Variants in DPP10 observed in about 807,000 individuals in gnomAD.
DPP10 encodes inactive dipeptidyl peptidase 10.
DPP10 carries 33 observed loss-of-function variants against 120.9 expected under a neutral mutation model. That is an observed-to-expected ratio of 0.27 (90% confidence interval 0.21 to 0.37). The LOEUF (loss-of-function observed/expected upper bound fraction) is 0.37. Among genes scored for constraint, DPP10 ranks in the 10% least tolerant of loss-of-function variants. DPP10 has a pLI of 1.00. For missense variants in DPP10, 816 were observed against 942.8 expected, an observed-to-expected ratio of 0.87 and a Z score of 1.76; for synonymous variants, 337 against 326.1, an observed-to-expected ratio of 1.03 and a Z score of -0.36.
intron 11 of DPP10, among the ~76,000 whole-genome samples, chr2:115,759,674 T>G (rs1679859623): frequency 6.9e-6 from 1 of 144,512 alleles, no homozygotes; most frequent in Non-Finnish European, 1.5e-5. Context: ...AGAAGACATA[T>G]ATACACACAC....
rs57462947 is a variant in DPP10, at chr2:115,207,416, C to CAA, written c.61-101794_61-101793dup. Among the ~76,000 whole-genome samples, 221 of 52,284 alleles carry CAA rather than the reference C, an allele frequency of 4.2e-3. 26 individuals are homozygous for CAA. The highest frequency in any genetic ancestry group is 6.3e-3 in the African/African-American group (96 of 15,132). The allele number at this position is 52,284 out of a possible 152,430, so 34.3% of individuals were successfully genotyped here. A position where few individuals can be genotyped will look rare whatever the true frequency, so the allele number is the denominator to read the frequency against. On this transcript the variant is annotated intron_variant, in intron 1 of 25. Transcript: ENST00000410059. ...GGTTTTTAAAGAGTGCTTACTGCAC[C>CAA]AAAAAAAAAAAAAAAAAAAAAAAAA...
chr2:114,454,787 A>G (rs1002946844), intron 1 of DPP10, among the ~76,000 whole-genome samples: 15 of 151,818 alleles, frequency 9.9e-5, no homozygotes, highest in African/African-American at 3.4e-4. Flanking sequence ...ATTTATGTCT[A>G]TGTATCTTTG....
chr2:115,774,876 T>C (rs1280196467), intron 13 of DPP10, among the ~76,000 whole-genome samples: 1 of 152,088 alleles, frequency 6.6e-6, no homozygotes, highest in Non-Finnish European at 1.5e-5. Context: ...AATAAAACTA[T>C]CCTATATGAA....
At chr2:115,358,694 G>A (rs1020885056) in intron 3 of DPP10, among the ~76,000 whole-genome samples, 7 of 152,136 alleles carry the variant, frequency 4.6e-5, no homozygotes, top group African/African-American at 1.7e-4. Context: ...ACGCTGCTAT[G>A]AAGAGATACC....
intron 3 of DPP10, among the ~76,000 whole-genome samples, chr2:115,444,073 T>G (rs556474305): frequency 2.4e-4 from 37 of 152,180 alleles, no homozygotes; most frequent in Non-Finnish European, 4.6e-4. Flanking sequence ...CCCTGCCTTT[T>G]ATCTTATCCT....
chr2:115,739,956 G>T (rs1297886650), intron 9 of DPP10, 63 bp downstream of exon 9: 2 of 1,533,962 alleles, frequency 1.3e-6, no homozygotes, highest in African/African-American at 1.4e-5. Flanking sequence ...CTTGACAGAT[G>T]GTATTCTTGG....
chr2:115,242,396 T>A lies in DPP10; in HGVS notation c.61-66843T>A, dbSNP rs147677158. On this transcript the variant is annotated intron_variant, in intron 1 of 25. Coordinates refer to ENST00000410059, the MANE Select transcript of DPP10 (RefSeq NM_020868.6). The stretch of plus-strand genomic sequence containing the variant: ...TCATGTATATATCCCACAGTTTTTT[T>A]ATCCACTCATCGATTGATGGGCATT... 2.0e-4 allele frequency among the ~76,000 whole-genome samples: 30 copies of A among 152,328 alleles called. 1 individual carries two copies. In the East Asian group the frequency reaches 5.0e-3, roughly 25 times the overall value.
chr2:115,244,704 T>C (rs1402140027), intron 1 of DPP10, among the ~76,000 whole-genome samples: 1 of 151,770 alleles, frequency 6.6e-6, no homozygotes, highest in Non-Finnish European at 1.5e-5. Flanking sequence ...AAATTAAAAT[T>C]AAAGCATCAG....
chr2:114,443,396 G>A (rs1310545515), intron 1 of DPP10, among the ~76,000 whole-genome samples: 1 of 152,128 alleles, frequency 6.6e-6, no homozygotes, highest in Non-Finnish European at 1.5e-5. Context: ...CTCAAAACCA[G>A]TGAGATGATT....
At chr2:115,129,362 A>AT (rs1321064946) in intron 1 of DPP10, among the ~76,000 whole-genome samples, 4 of 152,330 alleles carry the variant, frequency 2.6e-5, no homozygotes, top group Admixed American at 2.6e-4. Context: ...CCACGGAAAT[A>AT]TGAGAGCTGT....
intron 1 of DPP10, among the ~76,000 whole-genome samples, chr2:114,925,188 G>T (rs1306257818): frequency 7.5e-6 from 1 of 132,764 alleles, no homozygotes; most frequent in Non-Finnish European, 1.5e-5. Flanking sequence ...TCCAGCCTGG[G>T]CAACAGAGCA....
At chr2:115,705,403 GCA>G (rs568941110) in intron 7 of DPP10, among the ~76,000 whole-genome samples, 1 of 151,714 alleles carries the variant, frequency 6.6e-6, no homozygotes, top group Non-Finnish European at 1.5e-5. Flanking sequence ...GTGTTTGTAT[GCA>G]CACACACACA....
intron 5 of DPP10, among the ~76,000 whole-genome samples, chr2:115,568,632 C>T (rs1448242684): frequency 6.7e-6 from 1 of 150,172 alleles, no homozygotes; most frequent in Non-Finnish European, 1.5e-5. Context: ...TTTTCTATCG[C>T]GTACTTGGTC....
chr2:115,700,024 C>A (rs1484737773), intron 7 of DPP10, among the ~76,000 whole-genome samples: 1 of 152,118 alleles, frequency 6.6e-6, no homozygotes, highest in African/African-American at 2.4e-5. Flanking sequence ...CCTCAGGAAA[C>A]TTTTACTCAT....
At chr2:114,514,260 C>G (rs79742405) in intron 1 of DPP10, among the ~76,000 whole-genome samples, 1 of 152,262 alleles carries the variant, frequency 6.6e-6, no homozygotes, top group East Asian at 1.9e-4. Context: ...ATCTCCCCAC[C>G]AACCCTGTGA....
chr2:115,437,709 G>C (rs2071621031), intron 3 of DPP10, among the ~76,000 whole-genome samples: 1 of 152,010 alleles, frequency 6.6e-6, no homozygotes, highest in African/African-American at 2.4e-5. Flanking sequence ...ACAGTACAGT[G>C]TGTGATTATA....
chr2:115,433,657 A>G (rs2104797613), intron 3 of DPP10, among the ~76,000 whole-genome samples: 1 of 152,098 alleles, frequency 6.6e-6, no homozygotes, highest in Non-Finnish European at 1.5e-5. Flanking sequence ...AGGCTCACAT[A>G]TGGCTGCTCT....
intron 1 of DPP10, among the ~76,000 whole-genome samples, chr2:114,963,169 A>G (rs1006370396): frequency 6.6e-6 from 1 of 152,230 alleles, no homozygotes; most frequent in African/African-American, 2.4e-5. Context: ...AGTTACAACC[A>G]GCTTTCAGGT....
chr2:114,681,693 A>G (rs1333966069), intron 1 of DPP10, among the ~76,000 whole-genome samples: 1 of 152,008 alleles, frequency 6.6e-6, no homozygotes. Context: ...CATTTTACAA[A>G]GCCGGTAGTA....
Sources: allele counts gnomAD v4.1 joint callset (sites outside exome capture counted in the v4.1 genomes callset), GRCh38; gene constraint gnomAD v4.1.1; transcripts MANE v1.5; gene names NCBI Gene and HGNC (gene_info 2026-07-23, HGNC 2026-07-21).